BLTP3B: variants seen among roughly 807,000 people sequenced by gnomAD.
BLTP3B encodes UHRF1 (ICBP90) binding protein 1-like.
chr12:100,052,546 T>C, the BLTP3B span, among the ~76,000 whole-genome samples: 15 of 152,088 alleles, frequency 9.9e-5, no homozygotes, highest in African/African-American at 3.1e-4. Flanking sequence ...TACAACAGAC[T>C]GAGATGGAAA....
chr12:100,079,476 G>A, the BLTP3B span, among the ~76,000 whole-genome samples: 14 of 152,184 alleles, frequency 9.2e-5, no homozygotes, highest in African/African-American at 3.1e-4. Context: ...CTCTGAACTT[G>A]AGAGATGATT....
chr12:100,085,437 T>C, the BLTP3B span, among the ~76,000 whole-genome samples: 2 of 152,118 alleles, frequency 1.3e-5, no homozygotes, highest in Non-Finnish European at 2.9e-5. Context: ...TGTAAGTTAA[T>C]TTATGAGTCA....
At chr12:100,098,685 T>G in the BLTP3B span, 5 of 769,186 alleles carry the variant, frequency 6.5e-6, no homozygotes, top group Admixed American at 3.0e-5. Flanking sequence ...GCAGATCACT[T>G]GAGGCCAGGA....
chr12:100,081,201 G>A, the BLTP3B span, among the ~76,000 whole-genome samples: 1 of 152,260 alleles, frequency 6.6e-6, no homozygotes, highest in South Asian at 2.1e-4. Flanking sequence ...TTTATCAGAA[G>A]CATGAAAATG....
chr12:100,060,729 A>C, the BLTP3B span, among the ~76,000 whole-genome samples: 4 of 152,202 alleles, frequency 2.6e-5, no homozygotes, highest in Admixed American at 2.6e-4. Context: ...TCACTTCCTG[A>C]AATATACATA....
the BLTP3B span, among the ~76,000 whole-genome samples, chr12:100,106,788 G>A: frequency 6.6e-6 from 1 of 152,160 alleles, no homozygotes; most frequent in Non-Finnish European, 1.5e-5. Context: ...TCAAGTCTTT[G>A]TAGATATTTA....
the BLTP3B span, among the ~76,000 whole-genome samples, chr12:100,115,148 GTAAT>G: frequency 1.3e-5 from 2 of 152,232 alleles, no homozygotes; most frequent in Non-Finnish European, 2.9e-5. Context: ...GCTCACGCCT[GTAAT>G]CTCAGCACTT....
chr12:100,057,948 C>T, the BLTP3B span: 12 of 1,459,962 alleles, frequency 8.2e-6, no homozygotes, highest in Admixed American at 7.4e-5. Flanking sequence ...AGCTTTTCTG[C>T]CTCAAAACAA....
chr12:100,042,727 T>G, the BLTP3B span, among the ~76,000 whole-genome samples: 1 of 152,194 alleles, frequency 6.6e-6, no homozygotes, highest in Non-Finnish European at 1.5e-5. Context: ...TCAGCAGCCA[T>G]CAACCTTGAG....
chr12:100,132,470 C>T, the BLTP3B span, among the ~76,000 whole-genome samples: 3 of 152,058 alleles, frequency 2.0e-5, no homozygotes, highest in African/African-American at 4.8e-5. Context: ...TTCTCACGTG[C>T]GTAGGTTGTT....
At chr12:100,047,648 A>C in the BLTP3B span, 1 of 1,561,310 alleles carries the variant, frequency 6.4e-7, no homozygotes, top group South Asian at 1.1e-5. Context: ...CCTACAGGAA[A>C]GAAAAATAAC....
chr12:100,096,962 C>G, the BLTP3B span, among the ~76,000 whole-genome samples: 13 of 152,154 alleles, frequency 8.5e-5, no homozygotes, highest in Non-Finnish European at 1.8e-4. Flanking sequence ...TGCCTATTGT[C>G]CCAGCTACTT....
chr12:100,121,734 CAGG>C, the BLTP3B span, among the ~76,000 whole-genome samples: 1 of 152,000 alleles, frequency 6.6e-6, no homozygotes, highest in Non-Finnish European at 1.5e-5. Context: ...GAAGCTGAGG[CAGG>C]AGAATTGCTT....
the BLTP3B span, among the ~76,000 whole-genome samples, chr12:100,079,281 T>G: frequency 6.6e-6 from 1 of 152,184 alleles, no homozygotes; most frequent in Non-Finnish European, 1.5e-5. Flanking sequence ...TGGGAAAGTT[T>G]GGAATTTCCT....
the BLTP3B span, among the ~76,000 whole-genome samples, chr12:100,119,869 G>A: frequency 6.6e-6 from 1 of 152,120 alleles, no homozygotes; most frequent in Non-Finnish European, 1.5e-5. Context: ...GTAACCTTGA[G>A]TTTGGTAGAT....
chr12:100,109,597 C>G, the BLTP3B span, among the ~76,000 whole-genome samples: 1 of 151,974 alleles, frequency 6.6e-6, no homozygotes, highest in African/African-American at 2.4e-5. Flanking sequence ...AACCTGGTCT[C>G]TACTAAAAAT....
the BLTP3B span, among the ~76,000 whole-genome samples, chr12:100,078,513 G>T: frequency 1.3e-5 from 2 of 152,160 alleles, no homozygotes; most frequent in African/African-American, 4.8e-5. Context: ...AACGACGCAG[G>T]GTGGAGCTGG....
At chr12:100,113,818 T>A in the BLTP3B span, among the ~76,000 whole-genome samples, 1 of 151,868 alleles carries the variant, frequency 6.6e-6, no homozygotes, top group Non-Finnish European at 1.5e-5. Flanking sequence ...GAAAAACAAT[T>A]CCCATTATAC....
chr12:100,106,134 G>C, the BLTP3B span, among the ~76,000 whole-genome samples: 2 of 152,132 alleles, frequency 1.3e-5, no homozygotes, highest in Non-Finnish European at 2.9e-5. Context: ...AACCTCAATA[G>C]AAAACAGTAT....
Sources: allele counts gnomAD v4.1 joint callset (sites outside exome capture counted in the v4.1 genomes callset), GRCh38; gene constraint gnomAD v4.1.1; transcripts MANE v1.5; gene names NCBI Gene and HGNC (gene_info 2026-07-23, HGNC 2026-07-21).